The following GALNT18 variants were observed in gnomAD, a reference collection of about 807,000 sequenced individuals.
GALNT18 encodes GalNAc-transferase 18.
In GALNT18, 44 loss-of-function variants were observed where a neutral mutation model predicts 69.5. The ratio of observed to expected loss-of-function variants is 0.63; its 90% confidence interval spans 0.50 to 0.81. GALNT18 has a LOEUF of 0.81. Ranked by LOEUF, GALNT18 falls within the 40% of genes least tolerant of loss-of-function variation. The probability of loss-of-function intolerance (pLI) is 0.00; values close to 1 mark genes in which losing one functional copy is unlikely to be tolerated. For synonymous variants in GALNT18, 364 were observed against 318.2 expected (o/e 1.14, Z -1.53); for missense variants, 715 against 810.0 (o/e 0.88, Z 1.42).
Position 11,370,031 on chromosome 11 carries a change from T to G in GALNT18, c.1092+2484A>C, listed in dbSNP as rs1205051314. On this transcript the variant is annotated intron_variant, in intron 6 of 10. Transcript: ENST00000227756. Reference sequence around the variant, plus strand: ...CTTTCTCTACCTCTTACGAGGTACATGACCTTGAGATATATGTAAGCCCCT... The same window carrying G: ...CTTTCTCTACCTCTTACGAGGTACAGGACCTTGAGATATATGTAAGCCCCT... Among the ~76,000 whole-genome samples the G allele has an allele frequency of 2.0e-5, 3 of 152,112 alleles. No individual in the cohort carries two copies. In the East Asian group the frequency reaches 5.8e-4, roughly 29 times the overall value.
intron 6 of GALNT18, among the ~76,000 whole-genome samples, chr11:11,370,122 G>A (rs897452038): frequency 1.3e-5 from 2 of 152,112 alleles, no homozygotes; most frequent in Middle Eastern, 3.4e-3. Context: ...AGGGTGTTTC[G>A]TGGATGGATG....
chr11:11,508,774 T>C (rs1460026629), intron 1 of GALNT18, among the ~76,000 whole-genome samples: 1 of 152,214 alleles, frequency 6.6e-6, no homozygotes, highest in African/African-American at 2.4e-5. Context: ...ATTTCTAAAA[T>C]GCATTCCACC....
intron 7 of GALNT18, among the ~76,000 whole-genome samples, chr11:11,334,769 C>G (rs777706987): frequency 3.9e-5 from 6 of 152,168 alleles, no homozygotes; most frequent in Non-Finnish European, 7.3e-5. Context: ...GTTATCCTAG[C>G]CTTTCTCTGC....
chr11:11,398,950 C>T (rs1289406545), intron 3 of GALNT18, among the ~76,000 whole-genome samples: 4 of 152,078 alleles, frequency 2.6e-5, no homozygotes, highest in African/African-American at 9.7e-5. Flanking sequence ...AGCAGGTGCA[C>T]AGGAGTGAGA....
chr11:11,343,083 C>T (rs1039681004), intron 6 of GALNT18, among the ~76,000 whole-genome samples: 1 of 152,190 alleles, frequency 6.6e-6, no homozygotes, highest in African/African-American at 2.4e-5. Context: ...GTGGCTCACG[C>T]ATGTAATCCC....
intron 4 of GALNT18, among the ~76,000 whole-genome samples, chr11:11,378,026 G>T (rs1853816154): frequency 6.6e-6 from 1 of 152,194 alleles, no homozygotes; most frequent in Non-Finnish European, 1.5e-5. Context: ...TAATACATTT[G>T]GTGCATAATT....
chr11:11,498,493 TG>T (rs1475263481), intron 1 of GALNT18, among the ~76,000 whole-genome samples: 6 of 152,224 alleles, frequency 3.9e-5, no homozygotes, highest in African/African-American at 1.4e-4. Flanking sequence ...CTCATGAATT[TG>T]TGACTTGGTT....
chr11:11,540,913 G>A lies in GALNT18; in HGVS notation c.235+80446C>T, dbSNP rs1018129923. ...GAAAATGGGTTAGAAAATCCTCCCAGCCTATATTAACCCTGTAAACTGCAT... is the reference window on the plus strand; with the variant it reads ...GAAAATGGGTTAGAAAATCCTCCCAACCTATATTAACCCTGTAAACTGCAT... On this transcript the variant is annotated intron_variant, in intron 1 of 10. Transcript: ENST00000227756. This position sits in a 1 kb window ranked among gnomAD's most constrained non-coding sequence, Gnocchi z 4.6. 6.6e-6 allele frequency among the ~76,000 whole-genome samples: 1 copy of A among 152,168 alleles called. No homozygotes were observed. Among genetic ancestry groups the A allele is most frequent in the Non-Finnish European group, 1.5e-5 (1 of 68,022 alleles).
At chr11:11,302,202 A>C (rs902499867) in intron 9 of GALNT18, among the ~76,000 whole-genome samples, 1 of 152,178 alleles carries the variant, frequency 6.6e-6, no homozygotes, top group Non-Finnish European at 1.5e-5. Flanking sequence ...TTGTTAGCAC[A>C]TCTGAGGGGC....
rs1421896338 is a variant in GALNT18 at position 11,377,967 on chromosome 11, G to A, written c.780-588C>T. On this transcript the variant is annotated intron_variant, in intron 4 of 10. Coordinates refer to ENST00000227756, the MANE Select transcript of GALNT18 (RefSeq NM_198516.3). The surrounding 1 kb of genome is among the most constrained non-coding windows in gnomAD (Gnocchi z 4.6). ...CCCAGGGAGCTGGGAGACCCTTGAA[G>A]GCACCAGGCGAGTAAAGTGTTTGCA... is the stretch of plus-strand genomic sequence containing the variant. Among the ~76,000 whole-genome samples the A allele has an allele frequency of 2.0e-5, 3 of 152,188 alleles. No individual in the cohort carries two copies. Among genetic ancestry groups the A allele is most frequent in the Non-Finnish European group, 2.9e-5 (2 of 68,028 alleles).
At position 11,283,063 on chromosome 11, in the gene GALNT18, C is replaced by T. The variant is rs945640016; in HGVS notation, c.1677+9966G>A. On this transcript the variant is annotated intron_variant, in intron 10 of 10. Transcript: ENST00000227756. ...TGGCCCACGGCAGAAATGGCGGAGT[C>T]GTGGGCCCTGAGCTTGGGGTTAGTG... Among the ~76,000 whole-genome samples the T allele has an allele frequency of 4.6e-5, 7 of 152,148 alleles. 1 individual carries two copies. In the East Asian group the frequency reaches 7.8e-4, roughly 17 times the overall value.
chr11:11,489,996 G>A lies in GALNT18; in HGVS notation c.236-41060C>T, dbSNP rs572742723. On this transcript the variant is annotated intron_variant, in intron 1 of 10. Coordinates refer to ENST00000227756, the MANE Select transcript of GALNT18 (RefSeq NM_198516.3). ...ATGGTTTGAATGTGTCCCCCAAAAA[G>A]CCTGCGTTGGAAACTTCATCTCCAA... 3.3e-5 allele frequency among the ~76,000 whole-genome samples: 5 copies of A among 152,234 alleles called. No homozygotes were observed. The South Asian group carries it at 6.2e-4, about 19-fold the overall frequency.
At chr11:11,588,929 C>A (rs1345258856) in intron 1 of GALNT18, among the ~76,000 whole-genome samples, 1 of 152,158 alleles carries the variant, frequency 6.6e-6, no homozygotes, top group Non-Finnish European at 1.5e-5. Flanking sequence ...TTTGCCCAGG[C>A]CTGATGAAGC....
At chr11:11,307,276 A>G (rs1322763880) in intron 9 of GALNT18, among the ~76,000 whole-genome samples, 1 of 152,228 alleles carries the variant, frequency 6.6e-6, no homozygotes. Context: ...TGTAAAGTAT[A>G]TGGCACACAA....
At position 11,439,654 on chromosome 11, in the gene GALNT18, A is replaced by G. The variant is rs545856229; in HGVS notation, c.429-6867T>C. ...GCTTTGCTCATCAGGTATCCCTAATACTGGGTATGAAGTTCAGCACAGAGT... is the reference window on the plus strand; with the variant it reads ...GCTTTGCTCATCAGGTATCCCTAATGCTGGGTATGAAGTTCAGCACAGAGT... On this transcript the variant is annotated intron_variant, in intron 2 of 10. Coordinates refer to ENST00000227756, the MANE Select transcript of GALNT18 (RefSeq NM_198516.3). The surrounding 1 kb of genome is among the most constrained non-coding windows in gnomAD (Gnocchi z 4.4). Among the ~76,000 whole-genome samples the G allele has an allele frequency of 1.1e-3, 171 of 152,234 alleles. No homozygotes were observed. Among genetic ancestry groups the G allele is most frequent in the Non-Finnish European group, 2.1e-3 (145 of 68,042 alleles).
chr11:11,453,403 G>A (rs1049934024), intron 1 of GALNT18, among the ~76,000 whole-genome samples: 2 of 152,154 alleles, frequency 1.3e-5, no homozygotes, highest in African/African-American at 2.4e-5. Flanking sequence ...CATCTCACCT[G>A]AGTGCCTCAG....
In GALNT18 at chr11:11,600,858, T is replaced by G. The variant is rs979951517; in HGVS notation, c.235+20501A>C. Among the ~76,000 whole-genome samples the G allele has an allele frequency of 1.3e-5, 2 of 152,146 alleles. No homozygotes were observed. Among genetic ancestry groups the G allele is most frequent in the African/African-American group, 4.8e-5 (2 of 41,454 alleles). On this transcript the variant is annotated intron_variant, in intron 1 of 10. Coordinates refer to ENST00000227756, the MANE Select transcript of GALNT18 (RefSeq NM_198516.3). The surrounding 1 kb of genome is among the most constrained non-coding windows in gnomAD (Gnocchi z 4.8). Reference sequence around the variant, plus strand: ...CTTTTTCTCTTTTTTTCAGATGTGGTAATCTCTATTGATCTATCTTCAAAT... The same window carrying G: ...CTTTTTCTCTTTTTTTCAGATGTGGGAATCTCTATTGATCTATCTTCAAAT...
intron 5 of GALNT18, among the ~76,000 whole-genome samples, chr11:11,373,687 C>T (rs1041836052): frequency 2.0e-5 from 3 of 152,214 alleles, no homozygotes; most frequent in Admixed American, 6.5e-5. Flanking sequence ...GGGCTGTGAG[C>T]TTGGGTCTCA....
In GALNT18 at chr11:11,314,360, T is replaced by C. The variant is rs1590030889; in HGVS notation, c.1512+12726A>G. On this transcript the variant is annotated intron_variant, in intron 9 of 10. Transcript: ENST00000227756. This position sits in a 1 kb window ranked among gnomAD's most constrained non-coding sequence, Gnocchi z 5.2. The stretch of plus-strand genomic sequence containing the variant: ...GAAGTGAAGAACATATCATGTGGAA[T>C]GAATAACAAATCAAGCAGCTCCTTT... Among the ~76,000 whole-genome samples the C allele has an allele frequency of 6.9e-6, 1 of 144,648 alleles. No individual in the cohort carries two copies. Among genetic ancestry groups the C allele is most frequent in the Admixed American group, 7.3e-5 (1 of 13,710 alleles). 94.9% of individuals were successfully genotyped at this position (144,648 alleles called of 152,430 possible). A position where few individuals can be genotyped will look rare whatever the true frequency, so the allele number is the denominator to read the frequency against.
Sources: allele counts gnomAD v4.1 joint callset (sites outside exome capture counted in the v4.1 genomes callset), GRCh38; gene constraint gnomAD v4.1.1; non-coding constraint Gnocchi (gnomAD v3.1); transcripts MANE v1.5; gene names NCBI Gene and HGNC (gene_info 2026-07-23, HGNC 2026-07-21).